SLC39A11: variants seen among roughly 807,000 people sequenced by gnomAD.
SLC39A11 encodes the protein zinc transporter ZIP11.
In SLC39A11, 33 loss-of-function variants were observed where a neutral mutation model predicts 36.1. The ratio of observed to expected loss-of-function variants is 0.91; its 90% confidence interval spans 0.69 to 1.22. SLC39A11 has a LOEUF of 1.22. Among genes scored for constraint, SLC39A11 ranks in the 50% most tolerant of loss-of-function variants. The probability of loss-of-function intolerance (pLI) is 0.00; values close to 1 mark genes in which losing one functional copy is unlikely to be tolerated. For synonymous variants in SLC39A11, 166 were observed against 170.3 expected, an observed-to-expected ratio of 0.97 and a Z score of 0.20; for missense variants, 432 against 430.3, an observed-to-expected ratio of 1.00 and a Z score of -0.03.
intron 4 of SLC39A11, among the ~76,000 whole-genome samples, chr17:72,969,025 C>G (rs1382804685): frequency 6.6e-6 from 1 of 151,946 alleles, no homozygotes; most frequent in Admixed American, 6.6e-5. Flanking sequence ...AAGGACAGGC[C>G]ACGATGTCCC....
At chr17:73,004,194 A>G (rs1464110122) in intron 4 of SLC39A11, among the ~76,000 whole-genome samples, 1 of 105,802 alleles carries the variant, frequency 9.5e-6, no homozygotes, top group South Asian at 3.4e-4. Flanking sequence ...AAAGAAAGAA[A>G]GAAAGAAAGA....
At chr17:72,672,279 A>T (rs2071057159) in intron 7 of SLC39A11, among the ~76,000 whole-genome samples, 1 of 151,954 alleles carries the variant, frequency 6.6e-6, no homozygotes, top group Admixed American at 6.6e-5. Flanking sequence ...TGAAACCTTG[A>T]CTCTACTAAA....
intron 6 of SLC39A11, among the ~76,000 whole-genome samples, chr17:72,771,881 G>A (rs966219125): frequency 4.6e-5 from 7 of 152,188 alleles, no homozygotes; most frequent in Admixed American, 1.3e-4. Flanking sequence ...AAGACTTGGG[G>A]TGGGGAAGGA....
intron 5 of SLC39A11, among the ~76,000 whole-genome samples, chr17:72,868,766 C>T (rs1425856320): frequency 2.0e-5 from 3 of 151,910 alleles, no homozygotes; most frequent in African/African-American, 7.3e-5. Flanking sequence ...CATGATCCCA[C>T]CACTGCACTC....
chr17:72,866,686 ATTT>A (rs2080320265), intron 5 of SLC39A11, among the ~76,000 whole-genome samples: 1 of 152,250 alleles, frequency 6.6e-6, no homozygotes, highest in Non-Finnish European at 1.5e-5. Flanking sequence ...TGCTGTGTGC[ATTT>A]TTATAATGCT....
At chr17:72,999,765 A>T (rs1036158913) in intron 4 of SLC39A11, among the ~76,000 whole-genome samples, 2 of 151,810 alleles carry the variant, frequency 1.3e-5, no homozygotes, top group Admixed American at 6.6e-5. Context: ...TTTGAGATGA[A>T]GTTTCACTCT....
At chr17:72,866,581 A>G (rs1344512719) in intron 5 of SLC39A11, among the ~76,000 whole-genome samples, 1 of 152,200 alleles carries the variant, frequency 6.6e-6, no homozygotes, top group Non-Finnish European at 1.5e-5. Context: ...ACACACACAC[A>G]ATCACATCAT....
chr17:72,757,656 T>G (rs1699794338), intron 6 of SLC39A11, among the ~76,000 whole-genome samples: 1 of 152,088 alleles, frequency 6.6e-6, no homozygotes, highest in South Asian at 2.1e-4. Flanking sequence ...TTTTTTTTTT[T>G]TTATCCCTTC....
At chr17:72,847,240 G>T (rs192655291) in intron 6 of SLC39A11, among the ~76,000 whole-genome samples, 4 of 151,744 alleles carry the variant, frequency 2.6e-5, no homozygotes, top group Non-Finnish European at 4.4e-5. Context: ...CCGTCTCTTC[G>T]AAAAATACAA....
chr17:72,924,295 T>C (rs1263549526), intron 5 of SLC39A11, among the ~76,000 whole-genome samples: 2 of 151,832 alleles, frequency 1.3e-5, no homozygotes, highest in Non-Finnish European at 1.5e-5. Context: ...GTAAATCCTT[T>C]TAGTTGAGCA....
intron 4 of SLC39A11, among the ~76,000 whole-genome samples, chr17:73,024,300 A>C (rs1351281590): frequency 6.6e-6 from 1 of 152,208 alleles, no homozygotes; most frequent in Non-Finnish European, 1.5e-5. Context: ...CTTGAAGTAG[A>C]ATTGCCCATC....
chr17:73,000,940 C>T (rs2089785184), intron 4 of SLC39A11, among the ~76,000 whole-genome samples: 2 of 152,150 alleles, frequency 1.3e-5, no homozygotes, highest in South Asian at 4.1e-4. Context: ...GTGAGCTTTA[C>T]CCCAGAAATG....
intron 5 of SLC39A11, among the ~76,000 whole-genome samples, chr17:72,912,093 G>A (rs945367554): frequency 2.6e-5 from 4 of 152,192 alleles, no homozygotes; most frequent in African/African-American, 7.2e-5. Flanking sequence ...CAAGGAGCGT[G>A]CCAACACCAA....
At chr17:72,889,735 A>C (rs1004925086) in intron 5 of SLC39A11, among the ~76,000 whole-genome samples, 2 of 152,170 alleles carry the variant, frequency 1.3e-5, no homozygotes, top group Non-Finnish European at 2.9e-5. Context: ...CATAATCTGC[A>C]TGATACTGTC....
In SLC39A11 at chr17:72,814,611, G is replaced by A. The variant is rs1400400154; in HGVS notation, c.601+35023C>T. Among the ~76,000 whole-genome samples, 7 of 152,244 alleles carry A rather than the reference G, an allele frequency of 4.6e-5. No individual in the cohort carries two copies. In the East Asian group the frequency reaches 9.6e-4, roughly 21 times the overall value. On this transcript the variant is annotated intron_variant, in intron 6 of 9. Coordinates refer to ENST00000255559, the MANE Select transcript of SLC39A11 (RefSeq NM_139177.4). ...GCCCTGGAAGCAGCCTGCATTTCCA[G>A]AGGCAAAGGGCCAAGGTGACATTTT...
rs150446894 is a variant in SLC39A11 at position 72,808,596 on chromosome 17, C to T, written c.601+41038G>A. 3.2e-3 allele frequency among the ~76,000 whole-genome samples: 481 copies of T among 152,294 alleles called. 1 individual carries two copies. Among genetic ancestry groups the T allele is most frequent in the Non-Finnish European group, 5.0e-3 (338 of 68,032 alleles). On this transcript the variant is annotated intron_variant, in intron 6 of 9. Transcript: ENST00000255559. ...GTCCACTAGCTTGTTTTTCTATAAT[C>T]CCTTGCTGCTCAGGAGTCGTGTGGC...
intron 6 of SLC39A11, among the ~76,000 whole-genome samples, chr17:72,763,722 T>C (rs907117381): frequency 3.3e-5 from 5 of 152,196 alleles, no homozygotes; most frequent in African/African-American, 7.2e-5. Context: ...TTGCTTAGAA[T>C]TGGGGACATA....
At chr17:72,768,771 T>C (rs959853223) in intron 6 of SLC39A11, among the ~76,000 whole-genome samples, 17 of 152,104 alleles carry the variant, frequency 1.1e-4, no homozygotes, top group African/African-American at 4.1e-4. Flanking sequence ...TTATTATTAT[T>C]ATTTTTTGAG....
intron 3 of SLC39A11, among the ~76,000 whole-genome samples, chr17:73,053,876 T>C (rs1271232810): frequency 1.3e-5 from 2 of 152,240 alleles, no homozygotes; most frequent in Non-Finnish European, 2.9e-5. Flanking sequence ...TTCAGAGATG[T>C]AATGAGTTTA....
Sources: allele counts gnomAD v4.1 joint callset (sites outside exome capture counted in the v4.1 genomes callset), GRCh38; gene constraint gnomAD v4.1.1; transcripts MANE v1.5; gene names NCBI Gene and HGNC (gene_info 2026-07-23, HGNC 2026-07-21).